The following FAM187B variants were observed in gnomAD, a reference collection of about 807,000 sequenced individuals.
The protein encoded by FAM187B is protein FAM187B.
Under a neutral mutation model 22.6 loss-of-function variants are expected in FAM187B, and 22 were observed. The observed-to-expected ratio is 0.97, with a 90% CI of 0.70 to 1.39. The LOEUF (loss-of-function observed/expected upper bound fraction) is 1.39. Among genes scored for constraint, FAM187B ranks in the 40% most tolerant of loss-of-function variants. The pLI is 0.00. For synonymous variants in FAM187B, 192 were observed against 201.8 expected (o/e 0.95, Z 0.41); for missense variants, 433 against 462.1 (o/e 0.94, Z 0.58).
chr19:35,228,363 A>T lies in FAM187B; in HGVS notation c.318T>A (p.Tyr106Ter), dbSNP rs148641707. The change falls in exon 1 of 2, where the codon TAT becomes TAA. Residue 106 changes from tyrosine (Y) to a stop codon, truncating the protein, a stop_gained. Coordinates refer to ENST00000324675, the MANE Select transcript of FAM187B (RefSeq NM_152481.2). LOFTEE classifies it high-confidence loss of function. Reference sequence around the variant, plus strand: ...TGGTGACATCCTGAAAGTCAATTTCATACTGCACCACTTGGCGGCCATTCT... The same window carrying T: ...TGGTGACATCCTGAAAGTCAATTTCTTACTGCACCACTTGGCGGCCATTCT... Reference protein sequence around the residue: ...WNKNGRQVVQYEIDFQDVTTL... With the variant: ...WNKNGRQVVQ 6.2e-7 allele frequency: 1 copy of T among 1,613,548 alleles called. No homozygotes were observed. The highest frequency in any genetic ancestry group is 1.3e-5 in the African/African-American group (1 of 74,424).
Position 35,224,813 on chromosome 19 carries a change from C to A in FAM187B, c.*12G>T, listed in dbSNP as rs373902734. The stretch of plus-strand genomic sequence containing the variant: ...CCGGAGGCCGGGTCCGCTTGTGCAC[C>A]GGGGGCTCGCTTTATTTCACCACCA... On this transcript the variant is annotated 3_prime_UTR_variant, in exon 2 of 2. Coordinates refer to ENST00000324675, the MANE Select transcript of FAM187B (RefSeq NM_152481.2). The A allele has an allele frequency of 6.3e-7, 1 of 1,593,996 alleles. No homozygotes were observed. The highest frequency in any genetic ancestry group is 8.6e-7 in the Non-Finnish European group (1 of 1,168,710).
chr19:35,227,512 G>A (rs908347141), intron 1 of FAM187B, among the ~76,000 whole-genome samples: 2 of 152,102 alleles, frequency 1.3e-5, no homozygotes, highest in African/African-American at 2.4e-5. Flanking sequence ...GAGCCACCGC[G>A]CCCAGCCTGC....
chr19:35,227,865 A>G, intron 1 of FAM187B, 94 bp downstream of exon 1: 2 of 1,519,192 alleles, frequency 1.3e-6, no homozygotes, highest in African/African-American at 2.8e-5. Flanking sequence ...GCTGAACTGC[A>G]AAGAACGCCC....
chr19:35,226,199 C>T (rs563789190), intron 1 of FAM187B, among the ~76,000 whole-genome samples: 1 of 152,046 alleles, frequency 6.6e-6, no homozygotes, highest in Admixed American at 6.5e-5. Context: ...CACAGTGGCT[C>T]AGGTTTGTAA....
chr19:35,228,303 C>T lies in FAM187B; in HGVS notation c.378G>A (p.Arg126=). ...LHITHKDLGQ[R]PLQNETLHLG... ...AATGCAGGGTCTCGTTCTGCAGGGGCCTCTGACCCAGGTCCTTGTGTGTTA... is the reference window on the plus strand; with the variant it reads ...AATGCAGGGTCTCGTTCTGCAGGGGTCTCTGACCCAGGTCCTTGTGTGTTA... Residue 126 remains arginine, a synonymous_variant, in exon 1 of 2, where the codon AGG becomes AGA. Coordinates refer to ENST00000324675, the MANE Select transcript of FAM187B (RefSeq NM_152481.2). 1 of 1,614,214 alleles carries T rather than the reference C, an allele frequency of 6.2e-7. No homozygotes were observed. The highest frequency in any genetic ancestry group is 8.5e-7 in the Non-Finnish European group (1 of 1,180,030).
chr19:35,225,316 C>A (rs924914629), intron 1 of FAM187B, 104 bp from the exon 2 acceptor site: 9 of 1,337,946 alleles, frequency 6.7e-6, no homozygotes, highest in Admixed American at 3.0e-5. Flanking sequence ...CTCCTCGCCA[C>A]CCCCCACGGA....
chr19:35,225,023 C>T lies in FAM187B; in HGVS notation c.912G>A (p.Thr304=). The T allele has an allele frequency of 3.1e-6, 5 of 1,613,578 alleles. No individual in the cohort carries two copies. Among genetic ancestry groups the T allele is most frequent in the East Asian group, 2.2e-5 (1 of 44,876 alleles). ...CGTTCTCTCTCCACTGAGCCTCCAG[C>T]GTCTCCAGACTGGCGGCGGGTTTGA... ...AQFKPAASLE[T]LEAQWRENDA... is the part of the protein sequence containing the mutation. The change falls in exon 2 of 2, where the codon ACG becomes ACA. Residue 304 remains threonine (T), a synonymous_variant. Transcript: ENST00000324675.
In FAM187B at chr19:35,228,697, G is replaced by A; in HGVS notation, c.-17C>T. ...GGGTGGCATGGTGGACTGGGGCTGT[G>A]GCAGTGGGCTGGTGCCACCCCGAAC... On this transcript the variant is annotated 5_prime_UTR_variant, in exon 1 of 2. Coordinates refer to ENST00000324675, the MANE Select transcript of FAM187B (RefSeq NM_152481.2). The A allele has an allele frequency of 6.9e-6, 11 of 1,590,270 alleles. No homozygotes were observed. The highest frequency in any genetic ancestry group is 1.3e-5 in the African/African-American group (1 of 74,794).
At position 35,224,869 on chromosome 19, in the gene FAM187B, G is replaced by C. The variant is rs147333644; in HGVS notation, c.1066C>G (p.Pro356Ala). 1 of 1,613,516 alleles carries C rather than the reference G, an allele frequency of 6.2e-7. No individual in the cohort carries two copies. Among genetic ancestry groups the C allele is most frequent in the African/African-American group, 1.3e-5 (1 of 74,906 alleles). ...LLGALLKCIH[P>A]SPGRRSTQVL... is the part of the protein sequence containing the mutation. ...TGTGTGCTTCTCCTGCCCGGGGAAG[G>C]GTGGATGCACTTGAGCAGCGCCCCC... Residue 356 changes from proline to alanine, a missense_variant, in exon 2 of 2, where the codon CCT becomes GCT. Coordinates refer to ENST00000324675, the MANE Select transcript of FAM187B (RefSeq NM_152481.2).
chr19:35,225,088 C>G lies in FAM187B; in HGVS notation c.847G>C (p.Val283Leu). 6.2e-7 allele frequency: 1 copy of G among 1,610,880 alleles called. No individual in the cohort carries two copies. Among genetic ancestry groups the G allele is most frequent in the Non-Finnish European group, 8.5e-7 (1 of 1,178,248 alleles). Residue 283 changes from valine to leucine, a missense_variant, in exon 2 of 2, where the codon GTC becomes CTC. By Grantham distance (32) the Val-to-Leu change is conservative. Transcript: ENST00000324675. Reference protein sequence around the residue: ...GRQLQVFQPAVYKCFVQQELV... With the variant: ...GRQLQVFQPALYKCFVQQELV... ...TCCTGCTGCACGAAGCACTTGTAGA[C>G]GGCCGGCTGGAAAACCTGCAGCTGC...
Position 35,224,917 on chromosome 19 carries a change from C to A in FAM187B, c.1018G>T (p.Val340Leu). The change falls in exon 2 of 2, where the codon GTG becomes TTG. Residue 340 changes from valine (V) to leucine (L), a missense_variant. Transcript: ENST00000324675. ...VLKGLKLVLL[V>L]VTVLALLGAL... The stretch of plus-strand genomic sequence containing the variant: ...CCCAGCAGGGCCAGGACGGTGACCA[C>A]GAGCAGCACCAGCTTCAGCCCCTTG... 1 of 1,613,826 alleles carries A rather than the reference C, an allele frequency of 6.2e-7. No individual in the cohort carries two copies. Among genetic ancestry groups the A allele is most frequent in the South Asian group, 1.1e-5 (1 of 91,074 alleles).
At position 35,228,119 on chromosome 19, in the gene FAM187B, A is replaced by T; in HGVS notation, c.562T>A (p.Trp188Arg). Residue 188 changes from tryptophan (W) to arginine (R), a missense_variant, in exon 1 of 2, where the codon TGG becomes AGG. Trp to Arg is a moderately radical substitution (Grantham distance 101). Coordinates refer to ENST00000324675, the MANE Select transcript of FAM187B (RefSeq NM_152481.2). ...AGCTCAGGCCGCAAGCGGCTAGACC[A>T]CACCAGCACCTCTCCCAGATAGAGC... ...CWLYLGEVLV[W>R]SSRLRPELQV... is the part of the protein sequence containing the mutation. 6.2e-7 allele frequency: 1 copy of T among 1,614,218 alleles called. No homozygotes were observed. Among genetic ancestry groups the T allele is most frequent in the Non-Finnish European group, 8.5e-7 (1 of 1,180,024 alleles).
chr19:35,227,915 A>G (rs1234777672), intron 1 of FAM187B, 44 bp downstream of exon 1: 16 of 1,562,528 alleles, frequency 1.0e-5, no homozygotes, highest in Non-Finnish European at 1.4e-5. Flanking sequence ...GGATCCCCTG[A>G]CCGGAAGAAT....
intron 1 of FAM187B, 100 bp from the exon 2 acceptor site, chr19:35,225,312 G>A: frequency 2.2e-6 from 3 of 1,364,180 alleles, no homozygotes; most frequent in Non-Finnish European, 2.9e-6. Flanking sequence ...CCCCCTCCTC[G>A]CCACCCCCCA....
rs1259237931 is a variant in FAM187B, at chr19:35,228,296, G to C, written c.385C>G (p.Gln129Glu). 2 of 1,614,110 alleles carry C rather than the reference G, an allele frequency of 1.2e-6. No individual in the cohort carries two copies. The highest frequency in any genetic ancestry group is 1.7e-6 in the Non-Finnish European group (2 of 1,180,050). Residue 129 changes from glutamine (Q) to glutamate (E), a missense_variant, in exon 1 of 2, where the codon CAG (glutamine) becomes GAG (glutamate). Coordinates refer to ENST00000324675, the MANE Select transcript of FAM187B (RefSeq NM_152481.2). ...THKDLGQRPL[Q>E]NETLHLGSKQ... is the part of the protein sequence containing the mutation. ...CTGCCCAAATGCAGGGTCTCGTTCT[G>C]CAGGGGCCTCTGACCCAGGTCCTTG... is the stretch of plus-strand genomic sequence containing the variant.
At chr19:35,227,808 G>A in intron 1 of FAM187B, 151 bp downstream of exon 1, 1 of 1,213,402 alleles carries the variant, frequency 8.2e-7, no homozygotes, top group Non-Finnish European at 1.1e-6. Flanking sequence ...GTCCCCCTCG[G>A]ACTGTTTAAG....
chr19:35,225,087 A>ACGG lies in FAM187B; in HGVS notation c.845_847dup (p.Ala282dup), dbSNP rs2065657500. The ACGG allele has an allele frequency of 1.2e-6, 2 of 1,611,010 alleles. No homozygotes were observed. Among genetic ancestry groups the ACGG allele is most frequent in the East Asian group, 2.2e-5 (1 of 44,830 alleles). ...CTCCTGCTGCACGAAGCACTTGTAG[A>ACGG]CGGCCGGCTGGAAAACCTGCAGCTG... On this transcript the variant is annotated inframe_insertion, in exon 2 of 2. Coordinates refer to ENST00000324675, the MANE Select transcript of FAM187B (RefSeq NM_152481.2).
chr19:35,225,055 C>A lies in FAM187B; in HGVS notation c.880G>T (p.Ala294Ser). The A allele has an allele frequency of 6.2e-7, 1 of 1,612,704 alleles. No individual in the cohort carries two copies. The highest frequency in any genetic ancestry group is 8.5e-7 in the Non-Finnish European group (1 of 1,179,318). Residue 294 changes from alanine (A) to serine (S), a missense_variant, in exon 2 of 2, where the codon GCC (alanine) becomes TCC (serine). Ala to Ser is a moderately conservative substitution (Grantham distance 99, BLOSUM62 1). Transcript: ENST00000324675. ...AGACTGGCGGCGGGTTTGAACTGGGCCACGAGCTCCTGCTGCACGAAGCAC... is the reference window on the plus strand; with the variant it reads ...AGACTGGCGGCGGGTTTGAACTGGGACACGAGCTCCTGCTGCACGAAGCAC... ...YKCFVQQELVAQFKPAASLET... is the reference protein window; with the variant it reads ...YKCFVQQELVSQFKPAASLET...
Position 35,228,251 on chromosome 19 carries a change from A to G in FAM187B, c.430T>C (p.Trp144Arg), listed in dbSNP as rs2145468866. The G allele has an allele frequency of 6.2e-7, 1 of 1,614,134 alleles. No homozygotes were observed. Among genetic ancestry groups the G allele is most frequent in the South Asian group, 1.1e-5 (1 of 91,070 alleles). Residue 144 changes from tryptophan to arginine, a missense_variant, in exon 1 of 2, where the codon TGG (tryptophan) becomes CGG (arginine). Transcript: ENST00000324675. ...HLGSKQLIFT[W>R]WEPWQDCNRC... ...TTGCAGTCCTGCCAGGGCTCCCACCAGGTAAAAATGAGCTGTTTGCTGCCC... is the reference window on the plus strand; with the variant it reads ...TTGCAGTCCTGCCAGGGCTCCCACCGGGTAAAAATGAGCTGTTTGCTGCCC...
Sources: allele counts gnomAD v4.1 joint callset (sites outside exome capture counted in the v4.1 genomes callset), GRCh38; gene constraint gnomAD v4.1.1; transcripts MANE v1.5; gene names NCBI Gene and HGNC (gene_info 2026-07-23, HGNC 2026-07-21).